The following DOCK1 variants were observed in gnomAD, a reference collection of about 807,000 sequenced individuals.
DOCK1 encodes the protein dedicator of cytokinesis 1.
In DOCK1, 138 loss-of-function variants were observed where a neutral mutation model predicts 262.7. The ratio of observed to expected loss-of-function variants is 0.53; its 90% confidence interval spans 0.46 to 0.61. The LOEUF is 0.61. Ranked by LOEUF, DOCK1 falls within the 20% of genes least tolerant of loss-of-function variation. The pLI, the probability that DOCK1 is intolerant of heterozygous loss-of-function variation, is 0.00. For synonymous variants in DOCK1, 866 were observed against 867.4 expected, an observed-to-expected ratio of 1.00 and a Z score of 0.03; for missense variants, 1,908 against 2,370.7, an observed-to-expected ratio of 0.80 and a Z score of 4.05.
At chr10:127,259,140 C>T (rs142158042) in intron 29 of DOCK1, among the ~76,000 whole-genome samples, 4 of 152,286 alleles carry the variant, frequency 2.6e-5, no homozygotes, top group African/African-American at 7.2e-5. Context: ...GGTGAGGAAG[C>T]CCCGGAGACC....
chr10:127,384,941 C>T, intron 38 of DOCK1, 32 bp downstream of exon 38: 1 of 1,552,248 alleles, frequency 6.4e-7, no homozygotes, highest in Non-Finnish European at 8.7e-7. Context: ...TCCTTGTTTT[C>T]CTCTTTCCAT....
At chr10:127,319,727 G>A (rs547299268) in intron 29 of DOCK1, among the ~76,000 whole-genome samples, 1 of 152,322 alleles carries the variant, frequency 6.6e-6, no homozygotes, top group East Asian at 1.9e-4. Flanking sequence ...GTGGCTTTTG[G>A]GCCACCCGTG....
rs375653982 is a variant in DOCK1, at chr10:127,242,829, A to G, written c.2848-5179A>G. On this transcript the variant is annotated intron_variant, in intron 27 of 51. Transcript: ENST00000623213. ...AAACACGGTTAAACTTTGTAACAAG[A>G]CCTCAGTTGAAATCATGAAGCATAA... Among the ~76,000 whole-genome samples, 66 of 152,260 alleles carry G rather than the reference A, an allele frequency of 4.3e-4. 1 individual carries two copies. In the South Asian group the frequency reaches 0.013, roughly 31 times the overall value.
rs530828033 is a variant in DOCK1, at chr10:127,074,071, G to A, written c.2445+12295G>A. On this transcript the variant is annotated intron_variant, in intron 23 of 51. Transcript: ENST00000623213. The stretch of plus-strand genomic sequence containing the variant: ...TATAGCATTATCAAGAGGGAAAAAG[G>A]AATATTTCATATGTGAGCTTAAAAA... 5.3e-5 allele frequency among the ~76,000 whole-genome samples: 8 copies of A among 152,272 alleles called. No homozygotes were observed. The South Asian group carries it at 1.7e-3, about 32-fold the overall frequency.
intron 29 of DOCK1, among the ~76,000 whole-genome samples, chr10:127,296,526 C>T (rs34064554): frequency 0.078 from 11,810 of 152,282 alleles, 615 homozygotes; most frequent in East Asian, 0.23. Flanking sequence ...TGTGGAGTGA[C>T]GGTCAGGAAC....
At chr10:127,419,609 G>T in intron 45 of DOCK1, 57 bp from the exon 46 acceptor site, 1 of 1,504,782 alleles carries the variant, frequency 6.6e-7, no homozygotes, top group Non-Finnish European at 9.1e-7. Flanking sequence ...CAGTAAGTGT[G>T]CAAAAACCTG....
At chr10:127,169,239 T>C (rs1453980739) in intron 27 of DOCK1, among the ~76,000 whole-genome samples, 1 of 152,188 alleles carries the variant, frequency 6.6e-6, no homozygotes, top group Non-Finnish European at 1.5e-5. Flanking sequence ...TTGTATGGGC[T>C]GATGAACAAT....
At chr10:127,220,730 GC>G (rs2058399642) in intron 27 of DOCK1, among the ~76,000 whole-genome samples, 1 of 152,040 alleles carries the variant, frequency 6.6e-6, no homozygotes, top group Non-Finnish European at 1.5e-5. Context: ...AAAGATGGGG[GC>G]CGTAGAATTC....
chr10:127,253,058 A>G (rs921644338), intron 28 of DOCK1, among the ~76,000 whole-genome samples: 2 of 152,142 alleles, frequency 1.3e-5, no homozygotes, highest in Admixed American at 6.5e-5. Context: ...AACAATAGAC[A>G]TGTTCAGCTC....
At chr10:126,913,093 G>T (rs749653019) in intron 1 of DOCK1, among the ~76,000 whole-genome samples, 13 of 151,950 alleles carry the variant, frequency 8.6e-5, no homozygotes, top group Non-Finnish European at 1.8e-4. Flanking sequence ...TTCAGATCTG[G>T]AAATTCCTTG....
chr10:127,269,002 C>T (rs2060471720), intron 29 of DOCK1, among the ~76,000 whole-genome samples: 1 of 152,164 alleles, frequency 6.6e-6, no homozygotes, highest in Non-Finnish European at 1.5e-5. Flanking sequence ...CTCTCCCAGC[C>T]AGAGGCCACC....
At chr10:126,977,184 G>T (rs1297122981) in intron 2 of DOCK1, among the ~76,000 whole-genome samples, 1 of 152,238 alleles carries the variant, frequency 6.6e-6, no homozygotes, top group East Asian at 1.9e-4. Context: ...CTTTGCAGGG[G>T]CAGTTCCTGT....
chr10:127,256,479 A>T (rs1290908590), intron 28 of DOCK1, among the ~76,000 whole-genome samples: 1 of 151,794 alleles, frequency 6.6e-6, no homozygotes, highest in East Asian at 1.9e-4. Flanking sequence ...TTCATTTCCT[A>T]CCTTGAGTGT....
intron 47 of DOCK1, among the ~76,000 whole-genome samples, chr10:127,428,320 A>G (rs969235807): frequency 4.6e-5 from 7 of 152,202 alleles, no homozygotes; most frequent in Non-Finnish European, 1.0e-4. Flanking sequence ...TGCCACATTC[A>G]TGAGTTCTGA....
chr10:127,440,253 C>A (rs892396095), intron 49 of DOCK1, among the ~76,000 whole-genome samples: 2 of 152,036 alleles, frequency 1.3e-5, no homozygotes, highest in African/African-American at 4.8e-5. Flanking sequence ...CCCATTACTG[C>A]AAGGACAGCA....
At chr10:127,421,171 G>A (rs1309052228) in intron 46 of DOCK1, among the ~76,000 whole-genome samples, 1 of 151,994 alleles carries the variant, frequency 6.6e-6, no homozygotes, top group Non-Finnish European at 1.5e-5. Flanking sequence ...CGCCCACCTT[G>A]GCCTAAGTGC....
intron 18 of DOCK1, among the ~76,000 whole-genome samples, chr10:127,034,169 C>T (rs1408688171): frequency 6.6e-6 from 1 of 152,106 alleles, no homozygotes; most frequent in East Asian, 1.9e-4. Flanking sequence ...AAAGACATAC[C>T]TGAGACTGGG....
intron 32 of DOCK1, among the ~76,000 whole-genome samples, chr10:127,357,271 T>C (rs1271721809): frequency 2.6e-5 from 4 of 152,224 alleles, no homozygotes; most frequent in African/African-American, 9.6e-5. Flanking sequence ...TGTTTGCAAG[T>C]ATAGTTAATG....
At chr10:126,928,459 G>T (rs957165529) in intron 1 of DOCK1, among the ~76,000 whole-genome samples, 1 of 152,210 alleles carries the variant, frequency 6.6e-6, no homozygotes, top group South Asian at 2.1e-4. Context: ...CAGGATGCCT[G>T]GTGTCCTTGT....
Sources: allele counts gnomAD v4.1 joint callset (sites outside exome capture counted in the v4.1 genomes callset), GRCh38; gene constraint gnomAD v4.1.1; transcripts MANE v1.5; gene names NCBI Gene and HGNC (gene_info 2026-07-23, HGNC 2026-07-21).